The following ZMAT4 variants were observed in gnomAD, a reference collection of about 807,000 sequenced individuals.
The protein encoded by ZMAT4 is zinc finger matrin-type 4, also known as zinc finger matrin-type protein 4.
Under a neutral mutation model 28.7 loss-of-function variants are expected in ZMAT4, and 17 were observed. The observed-to-expected ratio is 0.59, with a 90% CI of 0.41 to 0.89. The LOEUF (loss-of-function observed/expected upper bound fraction) is 0.89. Ranked by LOEUF, ZMAT4 falls within the 40% of genes least tolerant of loss-of-function variation. The pLI is 0.00. For synonymous variants in ZMAT4, 117 were observed against 109.2 expected (o/e 1.07, Z -0.44); for missense variants, 240 against 283.8 (o/e 0.85, Z 1.11).
At chr8:40,852,602 C>CA (rs1467466712) in intron 1 of ZMAT4, among the ~76,000 whole-genome samples, 1 of 152,190 alleles carries the variant, frequency 6.6e-6, no homozygotes, top group Non-Finnish European at 1.5e-5. Context: ...CAAAACTTGA[C>CA]AAGGGATAGC....
intron 1 of ZMAT4, among the ~76,000 whole-genome samples, chr8:40,829,696 A>G (rs148487241): frequency 2.5e-4 from 38 of 152,294 alleles, no homozygotes; most frequent in African/African-American, 7.5e-4. Flanking sequence ...ATTCCAACAG[A>G]ACTTGGGGGA....
intron 3 of ZMAT4, among the ~76,000 whole-genome samples, chr8:40,766,512 A>AG (rs1419126097): frequency 1.3e-5 from 2 of 152,176 alleles, no homozygotes; most frequent in Non-Finnish European, 2.9e-5. Flanking sequence ...CTAAAAAAAA[A>AG]CTAGACTCAG....
chr8:40,568,858 G>T (rs1011012233), intron 6 of ZMAT4, among the ~76,000 whole-genome samples: 18 of 152,124 alleles, frequency 1.2e-4, no homozygotes, highest in African/African-American at 4.1e-4. Context: ...GGCAGATGCA[G>T]TTACTTCTTC....
chr8:40,675,448 A>G (rs1808870506), intron 4 of ZMAT4, among the ~76,000 whole-genome samples: 1 of 152,236 alleles, frequency 6.6e-6, no homozygotes, highest in Non-Finnish European at 1.5e-5. Context: ...AGCATCACTA[A>G]TAATGCAATA....
At chr8:40,750,920 T>C (rs1382367087) in intron 3 of ZMAT4, among the ~76,000 whole-genome samples, 4 of 152,230 alleles carry the variant, frequency 2.6e-5, no homozygotes, top group African/African-American at 9.6e-5. Context: ...ATTCTTTTAT[T>C]CAAACTACCC....
intron 1 of ZMAT4, among the ~76,000 whole-genome samples, chr8:40,842,720 G>T (rs932459832): frequency 3.3e-5 from 5 of 152,218 alleles, no homozygotes; most frequent in African/African-American, 9.6e-5. Flanking sequence ...ATGGAGCTGT[G>T]ACATGGCTGG....
At chr8:40,760,290 T>C (rs1047067007) in intron 3 of ZMAT4, among the ~76,000 whole-genome samples, 28 of 152,216 alleles carry the variant, frequency 1.8e-4, no homozygotes, top group Admixed American at 1.8e-3. Flanking sequence ...CTTCCATATA[T>C]GATCAGTCCT....
At chr8:40,700,012 CAA>C (rs981027721) in intron 3 of ZMAT4, among the ~76,000 whole-genome samples, 3 of 152,162 alleles carry the variant, frequency 2.0e-5, no homozygotes, top group Non-Finnish European at 2.9e-5. Flanking sequence ...GTTTCCAGGA[CAA>C]AGAGTTGCCC....
intron 3 of ZMAT4, among the ~76,000 whole-genome samples, chr8:40,731,212 C>T (rs1359740539): frequency 1.4e-5 from 2 of 147,250 alleles, no homozygotes; most frequent in Admixed American, 1.4e-4. Context: ...GGACTGGTAC[C>T]CATTCCCTTC....
intron 3 of ZMAT4, among the ~76,000 whole-genome samples, chr8:40,732,789 C>A (rs1452002278): frequency 6.8e-6 from 1 of 147,354 alleles, no homozygotes; most frequent in Non-Finnish European, 1.5e-5. Context: ...AAGGCAGACA[C>A]TGGGAACCAG....
intron 3 of ZMAT4, among the ~76,000 whole-genome samples, chr8:40,710,273 A>C (rs1810546838): frequency 6.6e-6 from 1 of 152,186 alleles, no homozygotes; most frequent in Non-Finnish European, 1.5e-5. Context: ...TGTAGCATCA[A>C]TATTGTTATT....
intron 5 of ZMAT4, among the ~76,000 whole-genome samples, chr8:40,601,513 A>AAG (rs1282124605): frequency 5.5e-5 from 4 of 72,122 alleles, no homozygotes; most frequent in Admixed American, 1.3e-4. Context: ...AAGAAAGAGA[A>AAG]AGAGAAAGAA....
intron 5 of ZMAT4, among the ~76,000 whole-genome samples, chr8:40,585,061 G>T (rs1804622577): frequency 6.6e-6 from 1 of 152,120 alleles, no homozygotes; most frequent in Non-Finnish European, 1.5e-5. Flanking sequence ...CATTATTATG[G>T]CCCAGTGAGC....
At chr8:40,844,274 G>A (rs373022910) in intron 1 of ZMAT4, among the ~76,000 whole-genome samples, 79 of 152,314 alleles carry the variant, frequency 5.2e-4, no homozygotes, top group African/African-American at 1.8e-3. Flanking sequence ...CAATGATGGC[G>A]TTCCCAGAAG....
intron 5 of ZMAT4, among the ~76,000 whole-genome samples, chr8:40,664,505 G>A (rs1328260709): frequency 6.6e-6 from 1 of 152,048 alleles, no homozygotes; most frequent in Non-Finnish European, 1.5e-5. Flanking sequence ...CATCTGTCCT[G>A]CCCTCTGCAA....
chr8:40,890,055 A>ATTTCACAT (rs1818615031), intron 1 of ZMAT4, among the ~76,000 whole-genome samples: 1 of 152,188 alleles, frequency 6.6e-6, no homozygotes, highest in Non-Finnish European at 1.5e-5. Context: ...ACTTGTTTTA[A>ATTTCACAT]TTTCACATTT....
intron 6 of ZMAT4, among the ~76,000 whole-genome samples, chr8:40,547,632 A>T (rs933288076): frequency 6.6e-6 from 1 of 152,130 alleles, no homozygotes; most frequent in African/African-American, 2.4e-5. Flanking sequence ...TTTATTTTTT[A>T]AAAATTATAC....
At chr8:40,795,266 G>A (rs572542633) in intron 2 of ZMAT4, among the ~76,000 whole-genome samples, 2 of 152,076 alleles carry the variant, frequency 1.3e-5, no homozygotes, top group Non-Finnish European at 2.9e-5. Flanking sequence ...CCAATGGTTT[G>A]CACACTCACG....
intron 5 of ZMAT4, among the ~76,000 whole-genome samples, chr8:40,610,262 A>G (rs1179884748): frequency 6.6e-6 from 1 of 152,242 alleles, no homozygotes; most frequent in Non-Finnish European, 1.5e-5. Flanking sequence ...ATCAACTTAA[A>G]GAAGACCCAA....
Sources: allele counts gnomAD v4.1 joint callset (sites outside exome capture counted in the v4.1 genomes callset), GRCh38; gene constraint gnomAD v4.1.1; transcripts MANE v1.5; gene names NCBI Gene and HGNC (gene_info 2026-07-23, HGNC 2026-07-21).